The following KIF26B variants were observed in gnomAD, a reference collection of about 807,000 sequenced individuals.
KIF26B encodes the protein kinesin family member 26B.
KIF26B carries 63 observed loss-of-function variants against 151.2 expected under a neutral mutation model. The observed-to-expected ratio is 0.42, with a 90% CI of 0.34 to 0.51. The LOEUF is 0.51. Among genes scored for constraint, KIF26B ranks in the 20% least tolerant of loss-of-function variants. The pLI is 0.07. For missense variants in KIF26B, 2,813 were observed against 2,913.6 expected (o/e 0.97, Z 0.79); for synonymous variants, 1,357 against 1,262.1 (o/e 1.08, Z -1.59).
intron 3 of KIF26B, among the ~76,000 whole-genome samples, chr1:245,418,477 G>T (rs775173567): frequency 4.6e-5 from 7 of 152,202 alleles, no homozygotes; most frequent in Non-Finnish European, 8.8e-5. Flanking sequence ...TGCTAATAAT[G>T]AAAAGTAGAA....
At chr1:245,593,694 G>A (rs1335266820) in intron 5 of KIF26B, among the ~76,000 whole-genome samples, 1 of 151,988 alleles carries the variant, frequency 6.6e-6, no homozygotes, top group Non-Finnish European at 1.5e-5. Flanking sequence ...CCCAGTAATG[G>A]GATTGCTGGG....
chr1:245,187,490 C>A (rs1366553002), intron 2 of KIF26B, among the ~76,000 whole-genome samples: 2 of 152,188 alleles, frequency 1.3e-5, no homozygotes, highest in Non-Finnish European at 2.9e-5. Flanking sequence ...GGACCCCATA[C>A]ATTTATACAA....
intron 10 of KIF26B, among the ~76,000 whole-genome samples, chr1:245,670,768 G>A (rs1236338931): frequency 6.6e-6 from 1 of 152,164 alleles, no homozygotes; most frequent in Non-Finnish European, 1.5e-5. Flanking sequence ...TCCATGAGAT[G>A]TTGGGATACA....
intron 10 of KIF26B, among the ~76,000 whole-genome samples, chr1:245,652,221 G>A (rs1342524957): frequency 1.3e-5 from 2 of 151,924 alleles, no homozygotes; most frequent in East Asian, 1.9e-4. Context: ...TTTACAGGGA[G>A]AATATCAATT....
intron 2 of KIF26B, among the ~76,000 whole-genome samples, chr1:245,270,258 TCTTC>T (rs1281238696): frequency 1.7e-5 from 2 of 118,736 alleles, no homozygotes; most frequent in Non-Finnish European, 3.6e-5. Context: ...TTCCCTTCCT[TCTTC>T]CTTTCCCTTC....
intron 4 of KIF26B, among the ~76,000 whole-genome samples, chr1:245,498,373 T>C (rs1660552932): frequency 6.6e-6 from 1 of 152,174 alleles, no homozygotes; most frequent in South Asian, 2.1e-4. Context: ...AATGTTATCA[T>C]TGACTCCGCC....
rs1012962790 is a variant in KIF26B, at chr1:245,358,384, G to A, written c.466-8450G>A. On this transcript the variant is annotated intron_variant, in intron 2 of 14. Transcript: ENST00000407071. This position sits in a 1 kb window ranked among gnomAD's most constrained non-coding sequence, Gnocchi z 4.1. ...AAATACAAAATATTAGCCAGGCGTG[G>A]TGATGGGTGCCTGTAGTCCCAGCTA... Among the ~76,000 whole-genome samples, 2 of 152,146 alleles carry A rather than the reference G, an allele frequency of 1.3e-5. No individual in the cohort carries two copies. Among genetic ancestry groups the A allele is most frequent in the Non-Finnish European group, 2.9e-5 (2 of 68,034 alleles).
At chr1:245,549,947 A>G (rs1661838328) in intron 5 of KIF26B, among the ~76,000 whole-genome samples, 1 of 152,118 alleles carries the variant, frequency 6.6e-6, no homozygotes, top group Admixed American at 6.6e-5. Context: ...CGCTCAGCTA[A>G]TTTTGTTTTT....
intron 5 of KIF26B, among the ~76,000 whole-genome samples, chr1:245,587,634 T>A (rs956776491): frequency 6.6e-6 from 1 of 152,084 alleles, no homozygotes; most frequent in East Asian, 1.9e-4. Flanking sequence ...GCAGCTTGAG[T>A]GCTTTGGAAA....
chr1:245,505,089 C>G (rs918124568), intron 4 of KIF26B, among the ~76,000 whole-genome samples: 1 of 151,986 alleles, frequency 6.6e-6, no homozygotes, highest in African/African-American at 2.4e-5. Flanking sequence ...CAGGCACGTG[C>G]CACCATGCCT....
intron 3 of KIF26B, among the ~76,000 whole-genome samples, chr1:245,395,206 G>A (rs1040785198): frequency 1.3e-5 from 2 of 152,256 alleles, no homozygotes; most frequent in South Asian, 2.1e-4. Flanking sequence ...AGTGCATGTC[G>A]ATGTTGAAAA....
At chr1:245,350,099 C>T (rs1455758277) in intron 2 of KIF26B, among the ~76,000 whole-genome samples, 1 of 151,834 alleles carries the variant, frequency 6.6e-6, no homozygotes, top group Non-Finnish European at 1.5e-5. Flanking sequence ...TACGGAAATT[C>T]AACCAGCGGT....
At chr1:245,466,523 G>A (rs1258886852) in intron 4 of KIF26B, among the ~76,000 whole-genome samples, 2 of 152,192 alleles carry the variant, frequency 1.3e-5, no homozygotes, top group African/African-American at 4.8e-5. Flanking sequence ...AATGACAAAC[G>A]TTTTCCTTTT....
chr1:245,400,488 G>GGTT lies in KIF26B; in HGVS notation c.1000-19091_1000-19090insGTT, dbSNP rs1553270995. Among the ~76,000 whole-genome samples the GGTT allele has an allele frequency of 8.1e-5, 10 of 123,830 alleles. 1 individual carries two copies. Among genetic ancestry groups the GGTT allele is most frequent in the African/African-American group, 1.1e-4 (3 of 27,424 alleles). The allele number at this position is 123,830 out of a possible 152,430, so 81.2% of individuals were successfully genotyped here. ...CATAAAACAATCACATAGATAGTGA[G>GGTT]TTTTTTTTTTTTTTTTTTGAAATTA... On this transcript the variant is annotated intron_variant, in intron 3 of 14. Transcript: ENST00000407071.
At position 245,698,578 on chromosome 1, in the gene KIF26B, CCTT is replaced by C. The variant is rs1040896076; in HGVS notation, c.6027+271_6027+273del. The stretch of plus-strand genomic sequence containing the variant: ...GGTGATCTTGGGGGCTTTTCTGGCT[CCTT>C]GAGGCTCCCAGTCTTAACCAACCTT... On this transcript the variant is annotated intron_variant, in intron 13 of 14. Coordinates refer to ENST00000407071, the MANE Select transcript of KIF26B (RefSeq NM_018012.4). The surrounding 1 kb of genome is among the most constrained non-coding windows in gnomAD (Gnocchi z 4.0). 3.9e-5 allele frequency among the ~76,000 whole-genome samples: 6 copies of C among 152,178 alleles called. No individual in the cohort carries two copies. The highest frequency in any genetic ancestry group is 1.4e-4 in the African/African-American group (6 of 41,428).
intron 5 of KIF26B, among the ~76,000 whole-genome samples, chr1:245,600,451 A>G (rs2043384766): frequency 6.6e-6 from 1 of 150,682 alleles, no homozygotes; most frequent in East Asian, 2.0e-4. Flanking sequence ...TGCTACCTCA[A>G]CCTCCCAAGT....
intron 4 of KIF26B, among the ~76,000 whole-genome samples, chr1:245,476,519 TTTATTTATTTACTTAC>T (rs1470760182): frequency 7.5e-6 from 1 of 132,612 alleles, no homozygotes; most frequent in Non-Finnish European, 1.7e-5. Flanking sequence ...TATTTATTTA[TTTATTTATTTACTTAC>T]TTACTTACTT....
rs538691817 is a variant in KIF26B at position 245,319,999 on chromosome 1, C to T, written c.466-46835C>T. On this transcript the variant is annotated intron_variant, in intron 2 of 14. Coordinates refer to ENST00000407071, the MANE Select transcript of KIF26B (RefSeq NM_018012.4). ...TTTCCTTTAGAAAATCTGTTTGTGT[C>T]ATTCATTTAGAATGTTGCCGTTAAC... Among the ~76,000 whole-genome samples, 7 of 152,256 alleles carry T rather than the reference C, an allele frequency of 4.6e-5. No individual in the cohort carries two copies. The South Asian group carries it at 1.5e-3, about 32-fold the overall frequency.
At position 245,477,264 on chromosome 1, in the gene KIF26B, C is replaced by T. The variant is rs545044680; in HGVS notation, c.1166+57519C>T. Among the ~76,000 whole-genome samples, 19 of 151,912 alleles carry T rather than the reference C, an allele frequency of 1.3e-4. No individual in the cohort carries two copies. In the East Asian group the frequency reaches 2.9e-3, roughly 23 times the overall value. The stretch of plus-strand genomic sequence containing the variant: ...TGGCTTAGAAAGCATATTTTTGAAG[C>T]TCAAGACAGAAAATTCATTTGTTTG... On this transcript the variant is annotated intron_variant, in intron 4 of 14. Coordinates refer to ENST00000407071, the MANE Select transcript of KIF26B (RefSeq NM_018012.4).
Sources: allele counts gnomAD v4.1 joint callset (sites outside exome capture counted in the v4.1 genomes callset), GRCh38; gene constraint gnomAD v4.1.1; non-coding constraint Gnocchi (gnomAD v3.1); transcripts MANE v1.5; gene names NCBI Gene and HGNC (gene_info 2026-07-23, HGNC 2026-07-21).